ATP8A2: variants seen among roughly 807,000 people sequenced by gnomAD.
The protein encoded by ATP8A2 is phospholipid-transporting ATPase IB.
Under a neutral mutation model 165.6 loss-of-function variants are expected in ATP8A2, and 100 were observed. That is an observed-to-expected ratio of 0.60 (90% CI 0.51 to 0.71). ATP8A2 has a LOEUF of 0.71. Ranked by LOEUF, ATP8A2 falls within the 30% of genes least tolerant of loss-of-function variation. ATP8A2 has a pLI of 0.00. For missense variants in ATP8A2, 1,227 were observed against 1,479.5 expected (o/e 0.83, Z 2.80); for synonymous variants, 543 against 548.8 (o/e 0.99, Z 0.15).
chr13:25,469,131 G>A lies in ATP8A2; in HGVS notation c.221+10G>A. The stretch of plus-strand genomic sequence containing the variant: ...GCGACAACCAGATCAGGTAGGAGAA[G>A]GCGGCCGGCTCGCGCGGAAGGCGGT... On this transcript the variant is annotated intron_variant, in intron 2 of 36. Transcript: ENST00000381655. 1 of 1,613,414 alleles carries A rather than the reference G, an allele frequency of 6.2e-7. No homozygotes were observed. The highest frequency in any genetic ancestry group is 8.5e-7 in the Non-Finnish European group (1 of 1,179,568).
chr13:25,473,019 A>G (rs2035890390), intron 2 of ATP8A2, among the ~76,000 whole-genome samples: 1 of 152,268 alleles, frequency 6.6e-6, no homozygotes, highest in South Asian at 2.1e-4. Context: ...AGTTTACTGG[A>G]ATGGAATTGA....
At chr13:25,627,069 A>T (rs2041119865) in intron 24 of ATP8A2, among the ~76,000 whole-genome samples, 1 of 152,110 alleles carries the variant, frequency 6.6e-6, no homozygotes, top group South Asian at 2.1e-4. Flanking sequence ...ATACAGCTGA[A>T]CCATATCACT....
At chr13:25,720,052 A>G (rs936032352) in intron 25 of ATP8A2, among the ~76,000 whole-genome samples, 1 of 151,826 alleles carries the variant, frequency 6.6e-6, no homozygotes, top group South Asian at 2.1e-4. Flanking sequence ...CTATTCTTCA[A>G]GTCTCTCTCC....
chr13:25,824,303 T>C (rs1178628419), intron 27 of ATP8A2, among the ~76,000 whole-genome samples: 4 of 152,228 alleles, frequency 2.6e-5, no homozygotes, highest in Admixed American at 2.0e-4. Context: ...CATTTCTCTT[T>C]AGGGTAGCTT....
chr13:25,431,503 G>C (rs916775874), intron 1 of ATP8A2, among the ~76,000 whole-genome samples: 11 of 93,212 alleles, frequency 1.2e-4, no homozygotes, highest in Non-Finnish European at 2.7e-4. Context: ...CTTCGGCGGC[G>C]GGGGGGGAAT....
chr13:26,004,830 C>A (rs1956708105), intron 35 of ATP8A2, among the ~76,000 whole-genome samples: 1 of 152,002 alleles, frequency 6.6e-6, no homozygotes, highest in African/African-American at 2.4e-5. Context: ...ATCCCAGGCA[C>A]AAATCCCACA....
intron 1 of ATP8A2, among the ~76,000 whole-genome samples, chr13:25,389,855 C>A (rs2033182045): frequency 6.6e-6 from 1 of 152,122 alleles, no homozygotes; most frequent in African/African-American, 2.4e-5. Context: ...CAAGGCAATA[C>A]TAGAAGAGAT....
rs139706249 is a variant in ATP8A2 at position 25,398,249 on chromosome 13, C to T, written c.76+25961C>T. Among the ~76,000 whole-genome samples the T allele has an allele frequency of 2.8e-3, 421 of 152,230 alleles. 2 individuals carry two copies. The highest frequency in any genetic ancestry group is 9.4e-3 in the African/African-American group (392 of 41,520). ...AGAGCCTGTTATCTGTCATGTGATG[C>T]TACACCAGAGCAGACTGGAGTTGGG... On this transcript the variant is annotated intron_variant, in intron 1 of 36. Transcript: ENST00000381655.
chr13:25,518,136 C>A (rs989552763), intron 2 of ATP8A2, among the ~76,000 whole-genome samples: 1 of 152,196 alleles, frequency 6.6e-6, no homozygotes, highest in Admixed American at 6.5e-5. Context: ...TGTTCTTTCC[C>A]TTGATTGGTT....
At chr13:25,692,693 C>A (rs1310091135) in intron 24 of ATP8A2, among the ~76,000 whole-genome samples, 1 of 152,150 alleles carries the variant, frequency 6.6e-6, no homozygotes, top group Admixed American at 6.5e-5. Flanking sequence ...TCAGCAGACA[C>A]ACAACATCTC....
rs777772611 is a variant in ATP8A2, at chr13:25,774,918, T to G, written c.2638T>G (p.Leu880Val). 1.2e-6 allele frequency: 2 copies of G among 1,613,488 alleles called. No homozygotes were observed. The highest frequency in any genetic ancestry group is 1.7e-6 in the Non-Finnish European group (2 of 1,179,384). ...CTACAACCGGGTGACCAAGTGCATCTTGTACTGCTTCTATAAGAACGTGGT... is the reference window on the plus strand; with the variant it reads ...CTACAACCGGGTGACCAAGTGCATCGTGTACTGCTTCTATAAGAACGTGGT... The part of the protein sequence containing the change: ...WSYNRVTKCI[L>V]YCFYKNVVLY... Residue 880 changes from leucine (L) to valine (V), a missense_variant, in exon 27 of 37, where the codon TTG (leucine) becomes GTG (valine). Around this residue, in one of 5 missense-constraint regions of ATP8A2, gnomAD observed 592 missense variants for 785.6 expected, o/e 0.75. Coordinates refer to ENST00000381655, the MANE Select transcript of ATP8A2 (RefSeq NM_016529.6).
chr13:25,382,321 A>G (rs1012219519), intron 1 of ATP8A2, among the ~76,000 whole-genome samples: 1 of 152,228 alleles, frequency 6.6e-6, no homozygotes, highest in Non-Finnish European at 1.5e-5. Flanking sequence ...ACCACAGTGT[A>G]TCAATTCACC....
At chr13:25,928,654 T>C (rs1297394113) in intron 33 of ATP8A2, among the ~76,000 whole-genome samples, 2 of 152,242 alleles carry the variant, frequency 1.3e-5, no homozygotes, top group African/African-American at 4.8e-5. Context: ...ACTCCGTGGA[T>C]TACCCATCTT....
intron 25 of ATP8A2, among the ~76,000 whole-genome samples, chr13:25,731,310 ACC>A (rs2043633549): frequency 2.7e-5 from 3 of 112,542 alleles, no homozygotes; most frequent in African/African-American, 7.9e-5. Context: ...GAAAGAAAAG[ACC>A]GGAAGGAGAG....
intron 25 of ATP8A2, among the ~76,000 whole-genome samples, chr13:25,763,171 A>G (rs2044418287): frequency 6.6e-6 from 1 of 152,166 alleles, no homozygotes; most frequent in South Asian, 2.1e-4. Context: ...GGCTCATTTA[A>G]CAATGGGGTG....
intron 25 of ATP8A2, among the ~76,000 whole-genome samples, chr13:25,726,285 C>T (rs2043492036): frequency 6.6e-6 from 1 of 152,070 alleles, no homozygotes; most frequent in Admixed American, 6.6e-5. Flanking sequence ...GTCAGGTGTC[C>T]CTGTAACTAA....
At chr13:25,859,888 C>G (rs778028822) in intron 30 of ATP8A2, among the ~76,000 whole-genome samples, 2 of 152,074 alleles carry the variant, frequency 1.3e-5, no homozygotes, top group African/African-American at 4.8e-5. Flanking sequence ...TGTTCTTACT[C>G]CTTTTTTTAA....
At chr13:25,992,648 TCTC>T (rs1956417551) in intron 35 of ATP8A2, among the ~76,000 whole-genome samples, 2 of 151,642 alleles carry the variant, frequency 1.3e-5, no homozygotes, top group South Asian at 2.1e-4. Context: ...TCAAAGATAC[TCTC>T]CTATTTTTTT....
chr13:25,521,891 G>T (rs1042645717), intron 2 of ATP8A2, among the ~76,000 whole-genome samples: 1 of 152,140 alleles, frequency 6.6e-6, no homozygotes, highest in African/African-American at 2.4e-5. Context: ...AGTATGTTTT[G>T]AAGTCAGGTA....
Sources: allele counts gnomAD v4.1 joint callset (sites outside exome capture counted in the v4.1 genomes callset), GRCh38; gene constraint gnomAD v4.1.1; regional missense constraint gnomAD v4.1.1; transcripts MANE v1.5; gene names NCBI Gene and HGNC (gene_info 2026-07-23, HGNC 2026-07-21).